C5orf47: variants seen among roughly 807,000 people sequenced by gnomAD.
C5orf47 encodes the protein uncharacterized protein C5orf47.
Under a neutral mutation model 20.6 loss-of-function variants are expected in C5orf47, and 20 were observed. The ratio of observed to expected loss-of-function variants is 0.97; its 90% CI spans 0.68 to 1.41. C5orf47 has a LOEUF of 1.41. Among genes scored for constraint, C5orf47 ranks in the 40% most tolerant of loss-of-function variants. The pLI is 0.00. For synonymous variants in C5orf47, 106 were observed against 97.3 expected (o/e 1.09, Z -0.53); for missense variants, 262 against 238.4 (o/e 1.10, Z -0.65).
chr5:173,999,195 G>C (rs1265587259), intron 2 of C5orf47, among the ~76,000 whole-genome samples: 1 of 152,072 alleles, frequency 6.6e-6, no homozygotes, highest in Non-Finnish European at 1.5e-5. Context: ...TTTGAGCCTA[G>C]ATCTATTTGT....
intron 3 of C5orf47, among the ~76,000 whole-genome samples, chr5:174,000,418 A>T (rs1356317328): frequency 6.6e-6 from 1 of 152,144 alleles, no homozygotes; most frequent in Non-Finnish European, 1.5e-5. Flanking sequence ...ATTAAGTTGG[A>T]TAAAATTTAT....
chr5:173,990,756 G>C (rs886875672), intron 1 of C5orf47, among the ~76,000 whole-genome samples: 3 of 152,186 alleles, frequency 2.0e-5, no homozygotes, highest in Non-Finnish European at 4.4e-5. Flanking sequence ...GTTTTTCTAA[G>C]TCAGCTTTAC....
At chr5:174,009,353 A>G (rs1250538024), downstream of C5orf47, among the ~76,000 whole-genome samples, 2 of 151,966 alleles carry the variant, frequency 1.3e-5, no homozygotes, top group African/African-American at 4.8e-5. Flanking sequence ...TTTCATTTCT[A>G]TTTACTATTT....
At chr5:173,990,264 C>T (rs1486897504) in intron 1 of C5orf47, among the ~76,000 whole-genome samples, 1 of 143,936 alleles carries the variant, frequency 6.9e-6, no homozygotes, top group Non-Finnish European at 1.5e-5. Flanking sequence ...AGGTGGGCAC[C>T]TCCATGCCCA....
intron 4 of C5orf47, among the ~76,000 whole-genome samples, chr5:174,002,208 G>C (rs73806505): frequency 5.9e-5 from 9 of 152,114 alleles, no homozygotes; most frequent in African/African-American, 1.9e-4. Flanking sequence ...TGATCCTACT[G>C]CCTCAGCTTT....
chr5:174,006,560 G>A (rs1759296510), downstream of C5orf47, among the ~76,000 whole-genome samples: 1 of 152,194 alleles, frequency 6.6e-6, no homozygotes, highest in Admixed American at 6.5e-5. Flanking sequence ...ATAAGCTGAG[G>A]AAATGTTAAA....
intron 1 of C5orf47, among the ~76,000 whole-genome samples, chr5:173,997,557 G>C (rs1759120540): frequency 6.6e-6 from 1 of 152,110 alleles, no homozygotes; most frequent in African/African-American, 2.4e-5. Context: ...CCTAGTGGAG[G>C]AAACACATGA....
chr5:174,001,374 T>C, intron 4 of C5orf47, 143 bp downstream of exon 4: 1 of 578,518 alleles, frequency 1.7e-6, no homozygotes, highest in Non-Finnish European at 3.1e-6. Flanking sequence ...GTTTGGCACA[T>C]AGTAGGCACT....
In C5orf47 at chr5:174,005,558, A is replaced by G. The variant is rs894175017; in HGVS notation, c.*1304A>G. 1 of 152,316 alleles carries G rather than the reference A, an allele frequency of 6.6e-6. No homozygotes were observed. Among genetic ancestry groups the G allele is most frequent in the Non-Finnish European group, 1.5e-5 (1 of 68,026 alleles). 9.4% of individuals were successfully genotyped at this position (152,316 alleles called of 1,614,324 possible). On this transcript the variant is annotated 3_prime_UTR_variant, in exon 5 of 5. Coordinates refer to ENST00000340147, the MANE Select transcript of C5orf47 (RefSeq NM_001144954.2). ...CATGTAGGCTCTCAAGTTTCCCTGC[A>G]TTGAGGGTCACACAACTTCTTTATA...
intron 1 of C5orf47, among the ~76,000 whole-genome samples, chr5:173,990,363 T>C (rs1177004209): frequency 2.6e-5 from 4 of 152,032 alleles, no homozygotes; most frequent in Non-Finnish European, 5.9e-5. Flanking sequence ...GCCCAACTGA[T>C]CCTCCTGCCT....
In C5orf47 at chr5:173,989,406, G is replaced by C. The variant is rs905154348; in HGVS notation, c.143G>C (p.Gly48Ala). 1.7e-5 allele frequency: 27 copies of C among 1,546,044 alleles called. No individual in the cohort carries two copies. The Admixed American group carries it at 5.0e-4, about 28-fold the overall frequency. ...CTTTGGGGTCAGGGGCCTGGGGCAG[G>C]CTGTCGCCAGGAGAAGCCGAGGGAA... ...QGLWGQGPGA[G>A]CRQEKPREAM... The change falls in exon 1 of 5, where the codon GGC (glycine) becomes GCC (alanine). Residue 48 changes from glycine (G) to alanine (A), a missense_variant. Coordinates refer to ENST00000340147, the MANE Select transcript of C5orf47 (RefSeq NM_001144954.2).
downstream of C5orf47, among the ~76,000 whole-genome samples, chr5:174,009,153 G>A (rs138562299): frequency 2.0e-5 from 3 of 152,186 alleles, no homozygotes; most frequent in Non-Finnish European, 2.9e-5. Context: ...AGAGGTTGCC[G>A]TGAGCCGAGA....
rs928362833 is a variant in C5orf47 at position 174,004,858 on chromosome 5, T to C, written c.*604T>C. 1.3e-5 allele frequency: 2 copies of C among 152,164 alleles called. No homozygotes were observed. The highest frequency in any genetic ancestry group is 6.5e-5 in the Admixed American group (1 of 15,276). The allele number at this position is 152,164 out of a possible 1,614,324, so 9.4% of individuals were successfully genotyped here. A position where few individuals can be genotyped will look rare whatever the true frequency, so the allele number is the denominator to read the frequency against. On this transcript the variant is annotated 3_prime_UTR_variant, in exon 5 of 5. Transcript: ENST00000340147. ...ATAATATGGATATATTATAATGGACTATATTATAATATGGAGTATTTTAGG... is the reference window on the plus strand; with the variant it reads ...ATAATATGGATATATTATAATGGACCATATTATAATATGGAGTATTTTAGG...
chr5:173,992,085 T>C (rs1269232351), intron 1 of C5orf47, among the ~76,000 whole-genome samples: 1 of 152,210 alleles, frequency 6.6e-6, no homozygotes, highest in African/African-American at 2.4e-5. Flanking sequence ...TTCGTTTGCA[T>C]AGATGTCTGC....
intron 4 of C5orf47, among the ~76,000 whole-genome samples, chr5:174,001,906 T>C (rs1168464096): frequency 6.6e-6 from 1 of 152,076 alleles, no homozygotes. Context: ...TATTTCTTTT[T>C]TTGTCACCTC....
intron 1 of C5orf47, among the ~76,000 whole-genome samples, chr5:173,994,853 T>C (rs1451046266): frequency 1.3e-5 from 2 of 152,170 alleles, no homozygotes; most frequent in Non-Finnish European, 2.9e-5. Context: ...TCGCACTGTC[T>C]CCCAGGATGG....
At position 173,989,603 on chromosome 5, in the gene C5orf47, C is replaced by T. The variant is rs1448768933; in HGVS notation, c.325+15C>T. ...GGCGCGTGCAGGTGGTGCAGCGGGG[C>T]AGGGCGGGACCGGGCGCGGCGGGGC... is the stretch of plus-strand genomic sequence containing the variant. On this transcript the variant is annotated intron_variant, in intron 1 of 4. Transcript: ENST00000340147. The T allele has an allele frequency of 3.6e-6, 5 of 1,406,652 alleles. No homozygotes were observed. The highest frequency in any genetic ancestry group is 3.1e-5 in the Admixed American group (1 of 32,454). 87.1% of individuals were successfully genotyped at this position (1,406,652 alleles called of 1,614,324 possible). A position where few individuals can be genotyped will look rare whatever the true frequency, so the allele number is the denominator to read the frequency against.
chr5:173,989,889 C>A (rs541602630), intron 1 of C5orf47, among the ~76,000 whole-genome samples: 1 of 152,264 alleles, frequency 6.6e-6, no homozygotes, highest in African/African-American at 2.4e-5. Context: ...TCGTTGACTT[C>A]GCAAACCCCC....
chr5:173,990,784 A>G lies in C5orf47; in HGVS notation c.325+1196A>G, dbSNP rs146983141. On this transcript the variant is annotated intron_variant, in intron 1 of 4. Transcript: ENST00000340147. ...AGCTTTACTGAGGATTAATTTACGT[A>G]TGTTTCGAAGAGGTTTGACAGATTT... Among the ~76,000 whole-genome samples the G allele has an allele frequency of 3.3e-3, 495 of 152,306 alleles. 2 individuals are homozygous for G. Among genetic ancestry groups the G allele is most frequent in the South Asian group, 0.016 (75 of 4,826 alleles).
Sources: allele counts gnomAD v4.1 joint callset (sites outside exome capture counted in the v4.1 genomes callset), GRCh38; gene constraint gnomAD v4.1.1; transcripts MANE v1.5; gene names NCBI Gene and HGNC (gene_info 2026-07-23, HGNC 2026-07-21).